Variants in FOXP1 observed in about 807,000 individuals in gnomAD.
FOXP1 encodes the protein forkhead box protein P1.
FOXP1 carries 15 observed loss-of-function variants against 98.2 expected under a neutral mutation model. The ratio of observed to expected loss-of-function variants is 0.15; its 90% confidence interval spans 0.10 to 0.24. FOXP1 has a LOEUF of 0.24. FOXP1 is among the 10% of genes least tolerant of loss of function. FOXP1 has a pLI of 1.00. For synonymous variants in FOXP1, 371 were observed against 314.5 expected, an observed-to-expected ratio of 1.18 and a Z score of -1.90; for missense variants, 633 against 848.5, an observed-to-expected ratio of 0.75 and a Z score of 3.15.
chr3:71,538,965 G>A (rs2107593481), intron 2 of FOXP1, among the ~76,000 whole-genome samples: 1 of 152,032 alleles, frequency 6.6e-6, no homozygotes, highest in South Asian at 2.1e-4. Context: ...CACCCTTGTT[G>A]ACAATCAGCT....
chr3:70,963,783 C>T (rs2034121254), intron 20 of FOXP1, among the ~76,000 whole-genome samples: 1 of 152,154 alleles, frequency 6.6e-6, no homozygotes, highest in Non-Finnish European at 1.5e-5. Context: ...AAGTAGAATG[C>T]CCCAAAGCCA....
At chr3:71,392,666 A>G (rs1437799372) in intron 3 of FOXP1, among the ~76,000 whole-genome samples, 1 of 152,216 alleles carries the variant, frequency 6.6e-6, no homozygotes, top group East Asian at 1.9e-4. Context: ...ATGGGCATCT[A>G]TATCGTGCTC....
intron 3 of FOXP1, among the ~76,000 whole-genome samples, chr3:71,428,712 T>C (rs1265516874): frequency 1.3e-5 from 2 of 152,176 alleles, no homozygotes; most frequent in Non-Finnish European, 2.9e-5. Context: ...GTTAGGCAGG[T>C]CATGAGATTC....
intron 11 of FOXP1, among the ~76,000 whole-genome samples, chr3:71,040,103 GTA>G (rs60149685): frequency 6.7e-6 from 1 of 149,758 alleles, no homozygotes; most frequent in African/African-American, 2.5e-5. Flanking sequence ...GTGTGTGTGT[GTA>G]TGTATGTATC....
intron 2 of FOXP1, among the ~76,000 whole-genome samples, chr3:71,574,790 T>A (rs1487747816): frequency 1.3e-5 from 2 of 152,222 alleles, no homozygotes; most frequent in Non-Finnish European, 2.9e-5. Flanking sequence ...AAGGAAATTA[T>A]CTGATATTGA....
At chr3:71,390,846 G>A (rs2080977373) in intron 3 of FOXP1, among the ~76,000 whole-genome samples, 1 of 152,198 alleles carries the variant, frequency 6.6e-6, no homozygotes, top group South Asian at 2.1e-4. Flanking sequence ...GTCAGGAAGA[G>A]ATGAGCCCCC....
chr3:70,964,071 T>C (rs185195653), intron 20 of FOXP1, among the ~76,000 whole-genome samples: 1 of 152,302 alleles, frequency 6.6e-6, no homozygotes, highest in East Asian at 1.9e-4. Context: ...AATGGAAATA[T>C]GAGGTCAAAA....
chr3:71,314,094 G>A (rs576439692), intron 4 of FOXP1, among the ~76,000 whole-genome samples: 1 of 152,302 alleles, frequency 6.6e-6, no homozygotes, highest in South Asian at 2.1e-4. Flanking sequence ...GCATTGACAT[G>A]TCATAAGTAC....
chr3:70,988,535 G>A (rs2107499384), intron 13 of FOXP1, among the ~76,000 whole-genome samples: 1 of 152,342 alleles, frequency 6.6e-6, no homozygotes, highest in East Asian at 1.9e-4. Context: ...TTAAGACAGT[G>A]CTGGCAAATG....
rs575530361 is a variant in FOXP1 at position 71,303,718 on chromosome 3, C to G, written c.-72-3838G>C. Among the ~76,000 whole-genome samples the G allele has an allele frequency of 2.0e-5, 3 of 149,072 alleles. No individual in the cohort carries two copies. The South Asian group carries it at 6.3e-4, about 31-fold the overall frequency. Reference sequence around the variant, plus strand: ...TTCTATGCCCTTAAGACTTCAAATACTGAGTAAGATTTCAAAAAAGAAAAG... The same window carrying G: ...TTCTATGCCCTTAAGACTTCAAATAGTGAGTAAGATTTCAAAAAAGAAAAG... On this transcript the variant is annotated intron_variant, in intron 4 of 20. Transcript: ENST00000649528.
chr3:71,189,870 T>C (rs940510959), intron 6 of FOXP1, among the ~76,000 whole-genome samples: 1 of 152,176 alleles, frequency 6.6e-6, no homozygotes, highest in East Asian at 1.9e-4. Flanking sequence ...CCGGCCCCCA[T>C]TCCCTGATGG....
intron 4 of FOXP1, among the ~76,000 whole-genome samples, chr3:71,321,990 G>A (rs575140162): frequency 1.4e-4 from 21 of 152,246 alleles, no homozygotes; most frequent in South Asian, 4.1e-4. Context: ...TTTCTTCATC[G>A]GGAAAATGGG....
At chr3:71,127,480 T>C (rs1358710952) in intron 6 of FOXP1, among the ~76,000 whole-genome samples, 1 of 152,122 alleles carries the variant, frequency 6.6e-6, no homozygotes, top group Non-Finnish European at 1.5e-5. Context: ...CTAAATAGAT[T>C]AAAATAAAGA....
chr3:71,213,195 A>T (rs2064635233), intron 5 of FOXP1, among the ~76,000 whole-genome samples: 1 of 152,232 alleles, frequency 6.6e-6, no homozygotes, highest in Admixed American at 6.5e-5. Context: ...GTGTGTTTTA[A>T]GAAAATTCCA....
At chr3:71,434,453 G>A (rs780066398) in intron 3 of FOXP1, among the ~76,000 whole-genome samples, 1 of 152,168 alleles carries the variant, frequency 6.6e-6, no homozygotes, top group Non-Finnish European at 1.5e-5. Flanking sequence ...TGGGCTTCCA[G>A]GGTCCAGGAA....
chr3:71,348,526 T>TGTGC (rs2077523829), intron 4 of FOXP1, among the ~76,000 whole-genome samples: 1 of 125,922 alleles, frequency 7.9e-6, no homozygotes, highest in Non-Finnish European at 1.7e-5. Flanking sequence ...TGTGTGCGTG[T>TGTGC]GTGTGTGTGT....
chr3:70,979,316 A>AAAAAAAAAAAAAAAAAAAAG (rs1553670621), intron 14 of FOXP1, among the ~76,000 whole-genome samples: 7 of 96,498 alleles, frequency 7.3e-5, no homozygotes, highest in African/African-American at 1.3e-4. Flanking sequence ...AAAAAAAAAA[A>AAAAAAAAAAAAAAAAAAAAG]AAAAGAAAAA....
At chr3:71,299,617 G>C (rs2073672133) in intron 5 of FOXP1, among the ~76,000 whole-genome samples, 1 of 152,138 alleles carries the variant, frequency 6.6e-6, no homozygotes. Flanking sequence ...ATAATATTTG[G>C]GGGGGAAATG....
intron 5 of FOXP1, among the ~76,000 whole-genome samples, chr3:71,268,130 G>A (rs865964064): frequency 1.1e-4 from 13 of 114,610 alleles, no homozygotes; most frequent in Admixed American, 7.3e-4. Context: ...TCGCTCTGTC[G>A]CCCAGGCTGG....
Sources: allele counts gnomAD v4.1 joint callset (sites outside exome capture counted in the v4.1 genomes callset), GRCh38; gene constraint gnomAD v4.1.1; transcripts MANE v1.5; gene names NCBI Gene and HGNC (gene_info 2026-07-23, HGNC 2026-07-21).